FRMD4A: variants seen among roughly 807,000 people sequenced by gnomAD.
FRMD4A encodes FERM domain-containing protein 4A.
In FRMD4A, 29 loss-of-function variants were observed where a neutral mutation model predicts 129.1. That is an observed-to-expected ratio of 0.22 (90% CI 0.17 to 0.31). The LOEUF is 0.31. Among genes scored for constraint, FRMD4A ranks in the 10% least tolerant of loss-of-function variants. FRMD4A has a pLI of 1.00. For synonymous variants in FRMD4A, 634 were observed against 571.6 expected, an observed-to-expected ratio of 1.11 and a Z score of -1.56; for missense variants, 1,272 against 1,375.8, an observed-to-expected ratio of 0.92 and a Z score of 1.19.
At chr10:14,193,474 C>CACA (rs1245956897) in intron 2 of FRMD4A, among the ~76,000 whole-genome samples, 25 of 134,968 alleles carry the variant, frequency 1.9e-4, no homozygotes, top group East Asian at 1.5e-3. Flanking sequence ...ACCCACCCAC[C>CACA]CACACACACA....
chr10:14,319,080 G>A (rs576194657), intron 2 of FRMD4A, among the ~76,000 whole-genome samples: 5 of 152,298 alleles, frequency 3.3e-5, no homozygotes, highest in African/African-American at 1.2e-4. Flanking sequence ...AGAACCAGCT[G>A]TGGTCTAGCT....
chr10:14,120,574 T>A (rs754255716), intron 2 of FRMD4A, among the ~76,000 whole-genome samples: 5 of 152,228 alleles, frequency 3.3e-5, no homozygotes, highest in Non-Finnish European at 5.9e-5. Context: ...CAATGTGAGC[T>A]AAACGTTTCC....
intron 2 of FRMD4A, among the ~76,000 whole-genome samples, chr10:14,184,405 A>G (rs1165199189): frequency 2.0e-5 from 3 of 151,034 alleles, no homozygotes; most frequent in African/African-American, 7.3e-5. Flanking sequence ...AGCCACTGCA[A>G]CTGAACCCAT....
At chr10:14,239,592 A>C (rs1048880443) in intron 2 of FRMD4A, among the ~76,000 whole-genome samples, 10 of 152,016 alleles carry the variant, frequency 6.6e-5, no homozygotes, top group Admixed American at 5.2e-4. Flanking sequence ...GCGCCACTGC[A>C]CTCCAGCCTG....
In FRMD4A at chr10:13,819,602, C is replaced by T. The variant is rs112786832; in HGVS notation, c.112-8694G>A. Among the ~76,000 whole-genome samples the T allele has an allele frequency of 1.6e-4, 24 of 152,178 alleles. 1 individual carries two copies. The highest frequency in any genetic ancestry group is 5.5e-4 in the African/African-American group (23 of 41,496). On this transcript the variant is annotated intron_variant, in intron 3 of 24. Transcript: ENST00000357447. ...CAAAAACATATGTACCCATCCCAGT[C>T]ACTGGAACCTGTGAGTATTACCTTT...
At chr10:14,052,673 C>G (rs1387298816) in intron 2 of FRMD4A, among the ~76,000 whole-genome samples, 1 of 152,174 alleles carries the variant, frequency 6.6e-6, no homozygotes, top group Non-Finnish European at 1.5e-5. Context: ...ATTCTCCGGC[C>G]TCAGCCTCCC....
chr10:14,246,466 CACAA>C (rs1329994068), intron 2 of FRMD4A, among the ~76,000 whole-genome samples: 62 of 152,266 alleles, frequency 4.1e-4, no homozygotes, highest in African/African-American at 1.4e-3. Context: ...TACAGGCACA[CACAA>C]ACACACATAC....
At chr10:13,769,085 G>A (rs569925993) in intron 6 of FRMD4A, among the ~76,000 whole-genome samples, 2 of 150,146 alleles carry the variant, frequency 1.3e-5, no homozygotes, top group African/African-American at 4.9e-5. Flanking sequence ...CTGCCTCCTG[G>A]GTTCAGGCCA....
chr10:13,924,302 T>A (rs930883143), intron 2 of FRMD4A, among the ~76,000 whole-genome samples: 12 of 152,160 alleles, frequency 7.9e-5, no homozygotes. Flanking sequence ...TGACTTCTCA[T>A]CTAATTAAGA....
intron 2 of FRMD4A, among the ~76,000 whole-genome samples, chr10:13,951,417 A>G (rs2095369653): frequency 6.6e-6 from 1 of 152,158 alleles, no homozygotes; most frequent in Admixed American, 6.5e-5. Flanking sequence ...ATGCAGACTC[A>G]AAGGAAAACT....
At chr10:13,845,131 T>C (rs531315874) in intron 3 of FRMD4A, among the ~76,000 whole-genome samples, 1 of 152,334 alleles carries the variant, frequency 6.6e-6, no homozygotes, top group African/African-American at 2.4e-5. Flanking sequence ...TGTTTTCTAT[T>C]TTATCCCCAA....
At chr10:13,731,869 T>G (rs776929942) in intron 12 of FRMD4A, among the ~76,000 whole-genome samples, 2 of 152,148 alleles carry the variant, frequency 1.3e-5, no homozygotes, top group African/African-American at 2.4e-5. Context: ...ACTACCGAAG[T>G]TGGCCTTCAG....
intron 16 of FRMD4A, among the ~76,000 whole-genome samples, chr10:13,671,510 G>A (rs111420177): frequency 0.061 from 9,229 of 152,160 alleles, 648 homozygotes; most frequent in African/African-American, 0.17. Context: ...TATTGACAAG[G>A]CTACTAAAAA....
intron 2 of FRMD4A, among the ~76,000 whole-genome samples, chr10:14,227,329 G>A (rs1843478997): frequency 7.9e-6 from 1 of 126,886 alleles, no homozygotes; most frequent in African/African-American, 2.9e-5. Context: ...TCGGCTCACT[G>A]CAATCCCCAC....
chr10:13,731,929 A>C (rs1309401392), intron 12 of FRMD4A, among the ~76,000 whole-genome samples: 1 of 152,300 alleles, frequency 6.6e-6, no homozygotes, highest in East Asian at 1.9e-4. Context: ...GCCAAAATCC[A>C]GTCTGCAGGG....
chr10:14,219,101 G>A (rs1843167476), intron 2 of FRMD4A, among the ~76,000 whole-genome samples: 1 of 151,546 alleles, frequency 6.6e-6, no homozygotes, highest in South Asian at 2.1e-4. Flanking sequence ...ATACCTGTGA[G>A]AAAGCCAGAT....
chr10:14,324,950 C>T (rs6602719), intron 2 of FRMD4A, among the ~76,000 whole-genome samples: 53,924 of 152,082 alleles, frequency 0.35, 10,043 homozygotes, highest in African/African-American at 0.46. Flanking sequence ...CATGAGCCAC[C>T]GCACCTGGCC....
rs549139196 is a variant in FRMD4A at position 14,233,899 on chromosome 10, T to C, written c.45+96159A>G. Among the ~76,000 whole-genome samples the C allele has an allele frequency of 2.0e-5, 3 of 152,370 alleles. No homozygotes were observed. In the East Asian group the frequency reaches 5.8e-4, roughly 29 times the overall value. On this transcript the variant is annotated intron_variant, in intron 2 of 24. Transcript: ENST00000357447. The stretch of plus-strand genomic sequence containing the variant: ...AAGGCTAGAGAGATGTTTCTGAAAG[T>C]GAGTCTGCAATAATAAATCAATGGG...
intron 15 of FRMD4A, among the ~76,000 whole-genome samples, chr10:13,686,185 C>T (rs558081531): frequency 3.9e-5 from 6 of 152,294 alleles, no homozygotes; most frequent in Non-Finnish European, 8.8e-5. Flanking sequence ...ATTGTTAGAC[C>T]TAAAAGGAGA....
Sources: gnomAD v4.1 joint callset for allele counts (sites outside exome capture counted in the v4.1 genomes callset) on GRCh38, gnomAD v4.1.1 for gene constraint, MANE v1.5 for transcripts, NCBI Gene and HGNC (gene_info 2026-07-23, HGNC 2026-07-21) for gene names.